POU6F2: variants seen among roughly 807,000 people sequenced by gnomAD.
The protein encoded by POU6F2 is POU domain, class 6, transcription factor 2.
POU6F2 carries 31 observed loss-of-function variants against 71.3 expected under a neutral mutation model. The ratio of observed to expected loss-of-function variants is 0.43; its 90% confidence interval spans 0.33 to 0.59. The LOEUF (loss-of-function observed/expected upper bound fraction) is 0.59, where lower values mean the gene tolerates loss of function less well. Among genes scored for constraint, POU6F2 ranks in the 20% least tolerant of loss-of-function variants. The probability of loss-of-function intolerance (pLI) is 0.04; values close to 1 mark genes in which losing one functional copy is unlikely to be tolerated. For missense variants in POU6F2, 783 were observed against 856.8 expected, an observed-to-expected ratio of 0.91 and a Z score of 1.07; for synonymous variants, 347 against 355.7, an observed-to-expected ratio of 0.98 and a Z score of 0.27.
chr7:39,380,827 T>A (rs1583562628), intron 5 of POU6F2, among the ~76,000 whole-genome samples: 1 of 152,128 alleles, frequency 6.6e-6, no homozygotes, highest in African/African-American at 2.4e-5. Context: ...TCCCGACAGA[T>A]CCCCAAGTCC....
At chr7:39,403,066 G>C (rs1787340211) in intron 5 of POU6F2, among the ~76,000 whole-genome samples, 1 of 152,180 alleles carries the variant, frequency 6.6e-6, no homozygotes, top group Non-Finnish European at 1.5e-5. Flanking sequence ...AGAAAATGAA[G>C]TGTGGTTTAC....
intron 4 of POU6F2, among the ~76,000 whole-genome samples, chr7:39,247,527 TAAGC>T (rs1295822503): frequency 3.0e-5 from 1 of 33,050 alleles, no homozygotes; most frequent in African/African-American, 1.1e-4. Context: ...AGCAAACAAG[TAAGC>T]GGAGGCTCAA....
At chr7:39,015,600 C>T in intron 1 of POU6F2, among the ~76,000 whole-genome samples, 1 of 46,266 alleles carries the variant, frequency 2.2e-5, no homozygotes, top group Non-Finnish European at 4.5e-5. Flanking sequence ...ATAGATATAT[C>T]TATGTTTTAT....
At chr7:39,331,657 G>A (rs1785654227) in intron 4 of POU6F2, among the ~76,000 whole-genome samples, 1 of 152,032 alleles carries the variant, frequency 6.6e-6, no homozygotes, top group Admixed American at 6.6e-5. Context: ...ACAGGCACAC[G>A]CCACCACGCC....
At chr7:39,393,260 C>T (rs940810379) in intron 5 of POU6F2, among the ~76,000 whole-genome samples, 1 of 152,158 alleles carries the variant, frequency 6.6e-6, no homozygotes, top group African/African-American at 2.4e-5. Context: ...TACTTATCTT[C>T]CCACTTCTAC....
chr7:39,004,630 C>T (rs199666692), intron 1 of POU6F2, among the ~76,000 whole-genome samples: 5 of 152,122 alleles, frequency 3.3e-5, no homozygotes, highest in South Asian at 2.1e-4. Flanking sequence ...TAGTCTTGTC[C>T]GCACTTCATC....
intron 4 of POU6F2, among the ~76,000 whole-genome samples, chr7:39,316,102 G>A (rs571675101): frequency 6.6e-6 from 1 of 152,180 alleles, no homozygotes; most frequent in South Asian, 2.1e-4. Context: ...AGTCAGACCA[G>A]GAATAAGAAT....
chr7:39,278,925 C>A (rs1172876332), intron 4 of POU6F2, among the ~76,000 whole-genome samples: 2 of 152,288 alleles, frequency 1.3e-5, no homozygotes, highest in African/African-American at 4.8e-5. Flanking sequence ...CAACTACTTC[C>A]AACATTCTAG....
chr7:39,332,771 A>G (rs1785681939), intron 4 of POU6F2, among the ~76,000 whole-genome samples: 1 of 152,126 alleles, frequency 6.6e-6, no homozygotes, highest in Non-Finnish European at 1.5e-5. Context: ...ATGGGGGAAT[A>G]GTCTAGGTGT....
intron 3 of POU6F2, among the ~76,000 whole-genome samples, chr7:39,206,635 A>G (rs1052042463): frequency 1.6e-4 from 25 of 152,172 alleles, no homozygotes; most frequent in African/African-American, 5.5e-4. Flanking sequence ...AACATTTTCT[A>G]TTTTTCTAAA....
intron 4 of POU6F2, among the ~76,000 whole-genome samples, chr7:39,256,836 C>T (rs1784033853): frequency 6.6e-6 from 1 of 152,134 alleles, no homozygotes; most frequent in South Asian, 2.1e-4. Flanking sequence ...GGCAAGGAAA[C>T]AGATTCTCCT....
In POU6F2 at chr7:39,460,714, A is replaced by C; in HGVS notation, c.1657A>C (p.Arg553=). The change falls in exon 9 of 10, where the codon AGA becomes CGA. Residue 553 remains arginine (R), a splice_region_variant and synonymous_variant. Coordinates refer to ENST00000518318, the MANE Select transcript of POU6F2 (RefSeq NM_001370959.1). The surrounding 1 kb of genome is among the most constrained non-coding windows in gnomAD (Gnocchi z 4.4). ...CGCGTACAGCCAGTCGGCCATCTGC[A>C]GGTAACGCGCGCCTGCATGCTGTCA... ...GPAYSQSAIC[R]HTILRSHFFL... is the part of the protein sequence containing the mutation. 1 of 1,594,056 alleles carries C rather than the reference A, an allele frequency of 6.3e-7. No individual in the cohort carries two copies. Among genetic ancestry groups the C allele is most frequent in the Non-Finnish European group, 8.6e-7 (1 of 1,169,494 alleles).
chr7:39,058,285 C>T lies in POU6F2; in HGVS notation c.106-27575C>T, dbSNP rs182317495. Reference sequence around the variant, plus strand: ...TGTACTAGGAGCCAGTCAATGCCCCCGGATGAATTTGGAGAGTGAGAGGAA... The same window carrying T: ...TGTACTAGGAGCCAGTCAATGCCCCTGGATGAATTTGGAGAGTGAGAGGAA... On this transcript the variant is annotated intron_variant, in intron 1 of 9. Transcript: ENST00000518318. Among the ~76,000 whole-genome samples, 12 of 152,224 alleles carry T rather than the reference C, an allele frequency of 7.9e-5. No individual in the cohort carries two copies. The East Asian group carries it at 1.7e-3, about 22-fold the overall frequency.
chr7:39,013,011 GC>G (rs1789349288), intron 1 of POU6F2: 1 of 152,276 alleles, frequency 6.6e-6, no homozygotes, highest in Non-Finnish European at 1.5e-5. Flanking sequence ...CAGAGGTGGA[GC>G]CTACAGAGGC....
Position 39,466,362 on chromosome 7 carries a change from G to C in POU6F2, c.*1676G>C, listed in dbSNP as rs1329824066. On this transcript the variant is annotated 3_prime_UTR_variant, in exon 10 of 10. Coordinates refer to ENST00000518318, the MANE Select transcript of POU6F2 (RefSeq NM_001370959.1). ...GACATGTTGGGATGTGAGGACGGCT[G>C]TGCAGGTGAGCACTTGGCAGCTGCC... 6.6e-6 allele frequency: 1 copy of C among 152,272 alleles called. No homozygotes were observed. Among genetic ancestry groups the C allele is most frequent in the East Asian group, 1.9e-4 (1 of 5,200 alleles). The allele number at this position is 152,272 out of a possible 1,614,324, so 9.4% of individuals were successfully genotyped here.
chr7:39,214,617 T>C (rs1328788451), intron 4 of POU6F2, among the ~76,000 whole-genome samples: 1 of 152,230 alleles, frequency 6.6e-6, no homozygotes, highest in Admixed American at 6.5e-5. Flanking sequence ...GTGACAGGCA[T>C]CTTTATTTGG....
At chr7:39,390,492 C>A (rs1787046023) in intron 5 of POU6F2, among the ~76,000 whole-genome samples, 1 of 152,188 alleles carries the variant, frequency 6.6e-6, no homozygotes, top group Admixed American at 6.5e-5. Context: ...CTCCATGATT[C>A]TTGTTAAATC....
intron 7 of POU6F2, among the ~76,000 whole-genome samples, chr7:39,444,193 T>TA (rs34679732): frequency 6.6e-5 from 10 of 151,850 alleles, no homozygotes; most frequent in East Asian, 1.9e-4. Context: ...AGTATTTTTT[T>TA]AAAAAAAACA....
intron 2 of POU6F2, among the ~76,000 whole-genome samples, chr7:39,144,206 G>T (rs956048221): frequency 2.0e-5 from 3 of 152,008 alleles, no homozygotes; most frequent in Admixed American, 6.6e-5. Context: ...TAAAGTCACA[G>T]GATAAATAAT....
Sources: gnomAD v4.1 joint callset for allele counts (sites outside exome capture counted in the v4.1 genomes callset) on GRCh38, gnomAD v4.1.1 for gene constraint, Gnocchi (gnomAD v3.1) non-coding constraint, MANE v1.5 for transcripts, NCBI Gene and HGNC (gene_info 2026-07-23, HGNC 2026-07-21) for gene names.